The following TOP1 variants were observed in gnomAD, a reference collection of about 807,000 sequenced individuals.
TOP1 encodes the protein DNA topoisomerase 1.
Under a neutral mutation model 111.1 loss-of-function variants are expected in TOP1, and 10 were observed. The observed-to-expected ratio is 0.09, with a 90% CI of 0.06 to 0.15. The LOEUF is 0.15. Ranked by LOEUF, TOP1 falls within the 10% of genes least tolerant of loss-of-function variation. TOP1 has a pLI of 1.00. For synonymous variants in TOP1, 271 were observed against 302.9 expected, an observed-to-expected ratio of 0.89 and a Z score of 1.10; for missense variants, 474 against 926.7, an observed-to-expected ratio of 0.51 and a Z score of 6.34.
Position 41,071,743 on chromosome 20 carries a change from T to C in TOP1, c.156-4428T>C, listed in dbSNP as rs2033671446. ...TTTGGATCTTTCCATTTGTTCTCTT[T>C]AGCGCTGACTTTTGCTTTCTAGTCC... On this transcript the variant is annotated intron_variant, in intron 3 of 20. Transcript: ENST00000361337. The surrounding 1 kb of genome is among the most constrained non-coding windows in gnomAD (Gnocchi z 4.3). Among the ~76,000 whole-genome samples, 1 of 152,250 alleles carries C rather than the reference T, an allele frequency of 6.6e-6. No homozygotes were observed. The highest frequency in any genetic ancestry group is 2.4e-5 in the African/African-American group (1 of 41,470).
Position 41,122,201 on chromosome 20 carries a change from G to A in TOP1, c.2195+46G>A. The stretch of plus-strand genomic sequence containing the variant: ...GAGCTCCTGCTGCTAGCTTAAGAAA[G>A]GTGGAGGGGGTTCCGAGAGCACTGG... On this transcript the variant is annotated intron_variant, in intron 20 of 20. Transcript: ENST00000361337. The surrounding 1 kb of genome is among the most constrained non-coding windows in gnomAD (Gnocchi z 5.4). 6.2e-7 allele frequency: 1 copy of A among 1,603,892 alleles called. No individual in the cohort carries two copies. The highest frequency in any genetic ancestry group is 1.1e-5 in the South Asian group (1 of 90,328).
chr20:41,040,169 C>T, intron 2 of TOP1, among the ~76,000 whole-genome samples: 1 of 152,196 alleles, frequency 6.6e-6, no homozygotes, highest in East Asian at 1.9e-4. Context: ...AATATTATTG[C>T]CCCTTCCTAA....
chr20:41,093,695 T>C (rs2033947580), intron 9 of TOP1, among the ~76,000 whole-genome samples: 4 of 152,092 alleles, frequency 2.6e-5, no homozygotes, highest in Admixed American at 1.3e-4. Context: ...TGACCAAACT[T>C]TGAGAAACAC....
intron 3 of TOP1, among the ~76,000 whole-genome samples, chr20:41,070,877 T>C (rs918347542): frequency 6.6e-6 from 1 of 152,230 alleles, no homozygotes; most frequent in African/African-American, 2.4e-5. Flanking sequence ...TTTCTCTCTT[T>C]AGAGGTAGTT....
intron 3 of TOP1, among the ~76,000 whole-genome samples, chr20:41,064,911 T>G (rs2048909479): frequency 6.6e-6 from 1 of 152,096 alleles, no homozygotes; most frequent in East Asian, 1.9e-4. Context: ...TTTGTTTGTT[T>G]GTTTGTTTTT....
Position 41,097,125 on chromosome 20 carries a change from G to T in TOP1, c.731-95G>T. 2.9e-6 allele frequency: 4 copies of T among 1,399,404 alleles called. No individual in the cohort carries two copies. The South Asian group carries it at 5.4e-5, about 19-fold the overall frequency. 86.7% of individuals were successfully genotyped at this position (1,399,404 alleles called of 1,614,324 possible). A position where few individuals can be genotyped will look rare whatever the true frequency, so the allele number is the denominator to read the frequency against. ...CCAGACCTTTATATACCATGAGAAG[G>T]CAAACCATTATTAAAGAGAATTCGC... On this transcript the variant is annotated intron_variant, in intron 9 of 20. Transcript: ENST00000361337. This position sits in a 1 kb window ranked among gnomAD's most constrained non-coding sequence, Gnocchi z 4.2.
intron 3 of TOP1, among the ~76,000 whole-genome samples, chr20:41,074,431 C>T (rs2033701527): frequency 6.6e-6 from 1 of 151,504 alleles, no homozygotes; most frequent in South Asian, 2.1e-4. Context: ...AAATAACAGT[C>T]TAATGAGAGC....
At chr20:41,045,143 A>ATTATT (rs368658944) in intron 2 of TOP1, among the ~76,000 whole-genome samples, 21 of 152,252 alleles carry the variant, frequency 1.4e-4, no homozygotes, top group South Asian at 1.0e-3. Context: ...AAAGAACTTA[A>ATTATT]TTATTTTATT....
chr20:41,090,572 G>A (rs1048015711), intron 8 of TOP1, among the ~76,000 whole-genome samples: 3 of 151,980 alleles, frequency 2.0e-5, no homozygotes, highest in African/African-American at 7.3e-5. Context: ...ACGTGATCTC[G>A]GCTCACTGCA....
At position 41,030,968 on chromosome 20, in the gene TOP1, A is replaced by G. The variant is rs946264843; in HGVS notation, c.58+1513A>G. On this transcript the variant is annotated intron_variant, in intron 2 of 20. Coordinates refer to ENST00000361337, the MANE Select transcript of TOP1 (RefSeq NM_003286.4). This position sits in a 1 kb window ranked among gnomAD's most constrained non-coding sequence, Gnocchi z 4.1. ...CACTCCCTTGCTCTCAATTCAGTCTATTGGGGGAGACATAATTAGTTAATT... is the reference window on the plus strand; with the variant it reads ...CACTCCCTTGCTCTCAATTCAGTCTGTTGGGGGAGACATAATTAGTTAATT... 2.6e-5 allele frequency among the ~76,000 whole-genome samples: 4 copies of G among 152,170 alleles called. No individual in the cohort carries two copies. The highest frequency in any genetic ancestry group is 2.1e-4 in the South Asian group (1 of 4,830).
Position 41,098,913 on chromosome 20 carries a change from A to G in TOP1, c.975+576A>G, listed in dbSNP as rs2034020139. 6.6e-6 allele frequency: 1 copy of G among 152,200 alleles called. No individual in the cohort carries two copies. Among genetic ancestry groups the G allele is most frequent in the Non-Finnish European group, 1.5e-5 (1 of 68,056 alleles). 9.4% of individuals were successfully genotyped at this position (152,200 alleles called of 1,614,324 possible). ...TTATCTACGGCTGTGTTTATGCAACAATGACAGAGATGAGTAGTTGCAAAA... is the reference window on the plus strand; with the variant it reads ...TTATCTACGGCTGTGTTTATGCAACGATGACAGAGATGAGTAGTTGCAAAA... On this transcript the variant is annotated intron_variant, in intron 11 of 20. Transcript: ENST00000361337. This position sits in a 1 kb window ranked among gnomAD's most constrained non-coding sequence, Gnocchi z 5.7.
rs1181161878 is a variant in TOP1 at position 41,061,482 on chromosome 20, T to C, written c.147T>C (p.His49=). Residue 49 remains histidine (H), a synonymous_variant, in exon 3 of 21, where the codon CAT becomes CAC. Transcript: ENST00000361337. This position sits in a 1 kb window ranked among gnomAD's most constrained non-coding sequence, Gnocchi z 4.6. ...AGAAGGACCGGGAAAAGTCCAAGCA[T>C]AGCAACAGGTAAGGGTGGAATCAAG... ...KKEKDREKSK[H]SNSEHKDSEK... is the part of the protein sequence containing the mutation. 1.2e-5 allele frequency: 19 copies of C among 1,594,252 alleles called. No homozygotes were observed. Among genetic ancestry groups the C allele is most frequent in the South Asian group, 3.4e-5 (3 of 89,222 alleles).
rs530534269 is a variant in TOP1 at position 41,110,885 on chromosome 20, A to G, written c.1309-1897A>G. Among the ~76,000 whole-genome samples the G allele has an allele frequency of 1.8e-4, 28 of 152,318 alleles. No homozygotes were observed. The highest frequency in any genetic ancestry group is 7.2e-4 in the Admixed American group (11 of 15,302). On this transcript the variant is annotated intron_variant, in intron 13 of 20. Coordinates refer to ENST00000361337, the MANE Select transcript of TOP1 (RefSeq NM_003286.4). This position sits in a 1 kb window ranked among gnomAD's most constrained non-coding sequence, Gnocchi z 4.2. ...GGGACAAGCATACTTCTTGGAGGCC[A>G]GCCATCTCCTGCTGGATCTAAGCGG...
chr20:41,059,658 A>G (rs1465721311), intron 2 of TOP1, among the ~76,000 whole-genome samples: 1 of 152,138 alleles, frequency 6.6e-6, no homozygotes, highest in East Asian at 1.9e-4. Context: ...ATCTTGGGGC[A>G]CAAAACATAC....
chr20:41,048,224 A>G (rs1337913541), intron 2 of TOP1, among the ~76,000 whole-genome samples: 1 of 152,152 alleles, frequency 6.6e-6, no homozygotes, highest in Non-Finnish European at 1.5e-5. Context: ...GGTGGCTCGT[A>G]TTTGCTATTA....
chr20:41,037,085 C>T (rs2033198254), intron 2 of TOP1, among the ~76,000 whole-genome samples: 1 of 152,126 alleles, frequency 6.6e-6, no homozygotes, highest in Admixed American at 6.5e-5. Flanking sequence ...CAGCCTCGGC[C>T]TCCCAAAGTG....
At chr20:41,031,511 G>A (rs746132468) in intron 2 of TOP1, among the ~76,000 whole-genome samples, 13 of 152,320 alleles carry the variant, frequency 8.5e-5, no homozygotes, top group South Asian at 2.1e-4. Flanking sequence ...AGTAATCTGC[G>A]TATGTTGACT....
chr20:41,063,275 T>C (rs888330770), intron 3 of TOP1, among the ~76,000 whole-genome samples: 4 of 152,198 alleles, frequency 2.6e-5, no homozygotes, highest in Non-Finnish European at 4.4e-5. Context: ...GATTCAGTTC[T>C]TTTTTTATGA....
At chr20:41,062,236 C>T (rs1315275089) in intron 3 of TOP1, among the ~76,000 whole-genome samples, 2 of 152,166 alleles carry the variant, frequency 1.3e-5, no homozygotes, top group African/African-American at 4.8e-5. Flanking sequence ...GTGGCCTGAG[C>T]TAGGTTAGGG....
Sources: allele counts gnomAD v4.1 joint callset (sites outside exome capture counted in the v4.1 genomes callset), GRCh38; gene constraint gnomAD v4.1.1; non-coding constraint Gnocchi (gnomAD v3.1); transcripts MANE v1.5; gene names NCBI Gene and HGNC (gene_info 2026-07-23, HGNC 2026-07-21).